The following ARHGAP42 variants were observed in gnomAD, a reference collection of about 807,000 sequenced individuals.
The protein encoded by ARHGAP42 is rho GTPase-activating protein 42.
ARHGAP42 carries 63 observed loss-of-function variants against 125.0 expected under a neutral mutation model. That is an observed-to-expected ratio of 0.50 (90% CI 0.41 to 0.62). The LOEUF is 0.62. Among genes scored for constraint, ARHGAP42 ranks in the 20% least tolerant of loss-of-function variants. The pLI, the probability that ARHGAP42 is intolerant of heterozygous loss-of-function variation, is 0.00. For missense variants in ARHGAP42, 766 were observed against 1,024.2 expected, an observed-to-expected ratio of 0.75 and a Z score of 3.44; for synonymous variants, 339 against 351.0, an observed-to-expected ratio of 0.97 and a Z score of 0.38.
chr11:100,856,736 G>T (rs115702823), intron 3 of ARHGAP42, among the ~76,000 whole-genome samples: 1 of 152,184 alleles, frequency 6.6e-6, no homozygotes, highest in African/African-American at 2.4e-5. Context: ...TCATTTGGGG[G>T]AAACTATAAG....
At chr11:100,811,185 A>G (rs938538355) in intron 3 of ARHGAP42, among the ~76,000 whole-genome samples, 1 of 152,076 alleles carries the variant, frequency 6.6e-6, no homozygotes, top group African/African-American at 2.4e-5. Context: ...CAAAGTCCTG[A>G]CCTCAGGTGA....
intron 4 of ARHGAP42, among the ~76,000 whole-genome samples, chr11:100,909,469 C>T (rs1024710026): frequency 5.3e-5 from 8 of 151,886 alleles, no homozygotes; most frequent in Admixed American, 1.3e-4. Flanking sequence ...CTCAGCCTCC[C>T]GAATAGCTGG....
chr11:100,776,800 T>C (rs1863137179), intron 2 of ARHGAP42, among the ~76,000 whole-genome samples: 1 of 151,956 alleles, frequency 6.6e-6, no homozygotes, highest in Non-Finnish European at 1.5e-5. Flanking sequence ...CTGGTCAACA[T>C]GGTGAAACCC....
chr11:100,807,766 C>T (rs1040665248), intron 3 of ARHGAP42, among the ~76,000 whole-genome samples: 1 of 152,202 alleles, frequency 6.6e-6, no homozygotes, highest in Non-Finnish European at 1.5e-5. Context: ...GGCATTTATC[C>T]TAGTTTTATA....
chr11:100,890,287 C>T, intron 4 of ARHGAP42, among the ~76,000 whole-genome samples: 1 of 152,172 alleles, frequency 6.6e-6, no homozygotes, highest in Non-Finnish European at 1.5e-5. Context: ...TCAAACTGTT[C>T]CAGGCTGCAG....
At chr11:100,808,154 A>G (rs1864043477) in intron 3 of ARHGAP42, among the ~76,000 whole-genome samples, 1 of 152,212 alleles carries the variant, frequency 6.6e-6, no homozygotes, top group South Asian at 2.1e-4. Context: ...AATGGTAACA[A>G]AGCTATGGAT....
intron 3 of ARHGAP42, among the ~76,000 whole-genome samples, chr11:100,823,802 TA>T (rs1180628472): frequency 6.6e-6 from 1 of 152,208 alleles, no homozygotes; most frequent in Non-Finnish European, 1.5e-5. Context: ...TTTGTCCTTA[TA>T]AATAATGACC....
intron 4 of ARHGAP42, among the ~76,000 whole-genome samples, chr11:100,874,344 G>C (rs1865762703): frequency 6.6e-6 from 1 of 152,094 alleles, no homozygotes; most frequent in African/African-American, 2.4e-5. Context: ...CTGCTACACT[G>C]GTAATTAAAC....
At chr11:100,983,396 T>C (rs950550951) in intron 22 of ARHGAP42, among the ~76,000 whole-genome samples, 2 of 152,208 alleles carry the variant, frequency 1.3e-5, no homozygotes, top group Non-Finnish European at 2.9e-5. Flanking sequence ...TCATATACAT[T>C]CCATTAGCTT....
chr11:100,712,992 A>G (rs1202986954), intron 1 of ARHGAP42, among the ~76,000 whole-genome samples: 2 of 152,342 alleles, frequency 1.3e-5, no homozygotes, highest in East Asian at 1.9e-4. Context: ...CGAAAATATC[A>G]TAAAATATAC....
intron 4 of ARHGAP42, among the ~76,000 whole-genome samples, chr11:100,908,858 G>C (rs1315189204): frequency 6.6e-6 from 1 of 152,152 alleles, no homozygotes. Flanking sequence ...ATTTCCACCA[G>C]CAGGGTATAA....
rs373059302 is a variant in ARHGAP42, at chr11:100,837,666, C to CTT, written c.313-21858_313-21857dup. Among the ~76,000 whole-genome samples, 48 of 61,042 alleles carry CTT rather than the reference C, an allele frequency of 7.9e-4. 4 individuals carry two copies. Among genetic ancestry groups the CTT allele is most frequent in the African/African-American group, 2.7e-3 (38 of 14,178 alleles). 40.0% of individuals were successfully genotyped at this position (61,042 alleles called of 152,430 possible). On this transcript the variant is annotated intron_variant, in intron 3 of 23. Coordinates refer to ENST00000298815, the MANE Select transcript of ARHGAP42 (RefSeq NM_152432.4). ...CAGTTCCCAGAATCTAGGTGTCATC[C>CTT]TTTTTTTTTTTTTTTTTTTTTTTTT...
intron 1 of ARHGAP42, among the ~76,000 whole-genome samples, chr11:100,766,405 A>G (rs1322546543): frequency 6.6e-6 from 1 of 152,204 alleles, no homozygotes; most frequent in African/African-American, 2.4e-5. Context: ...CTTTAGTATG[A>G]TATTTTAACA....
At chr11:100,962,017 T>C (rs79764541) in intron 15 of ARHGAP42, among the ~76,000 whole-genome samples, 33 of 152,344 alleles carry the variant, frequency 2.2e-4, no homozygotes, top group Admixed American at 3.9e-4. Context: ...TGTTGTCCCA[T>C]ATGTATATGG....
intron 1 of ARHGAP42, among the ~76,000 whole-genome samples, chr11:100,712,093 C>T (rs1179062262): frequency 6.6e-6 from 1 of 152,074 alleles, no homozygotes; most frequent in Non-Finnish European, 1.5e-5. Flanking sequence ...ATTGCCTACC[C>T]AGCTCCCTTG....
intron 3 of ARHGAP42, among the ~76,000 whole-genome samples, chr11:100,805,093 A>G (rs1260040361): frequency 6.6e-6 from 1 of 152,210 alleles, no homozygotes; most frequent in Non-Finnish European, 1.5e-5. Context: ...TTTAATATGA[A>G]CAGCAGTCTT....
intron 16 of ARHGAP42, among the ~76,000 whole-genome samples, chr11:100,963,147 A>G (rs771506397): frequency 1.1e-4 from 17 of 152,202 alleles, no homozygotes; most frequent in Non-Finnish European, 2.1e-4. Context: ...CATGTGCTGT[A>G]TTCCTCAATC....
In ARHGAP42 at chr11:100,965,696, G is replaced by A. The variant is rs1858073526; in HGVS notation, c.1470G>A (p.Val490=). 2 of 1,550,604 alleles carry A rather than the reference G, an allele frequency of 1.3e-6. No individual in the cohort carries two copies. Among genetic ancestry groups the A allele is most frequent in the South Asian group, 1.2e-5 (1 of 84,002 alleles). ...AVKSDDQNYR[V]EAVHALVHKL... is the part of the protein sequence containing the mutation. Reference sequence around the variant, plus strand: ...AATCTGATGATCAAAACTACAGGGTGGAGGCTGTACATGCATTGGTGCACA... The same window carrying A: ...AATCTGATGATCAAAACTACAGGGTAGAGGCTGTACATGCATTGGTGCACA... Residue 490 remains valine (V), a synonymous_variant, in exon 17 of 24, where the codon GTG becomes GTA. Transcript: ENST00000298815.
At chr11:100,952,158 A>G (rs1214674276) in intron 12 of ARHGAP42, among the ~76,000 whole-genome samples, 1 of 152,162 alleles carries the variant, frequency 6.6e-6, no homozygotes, top group Non-Finnish European at 1.5e-5. Context: ...CAGTATACAG[A>G]TCTTATTTGT....
Sources: gnomAD v4.1 joint callset for allele counts (sites outside exome capture counted in the v4.1 genomes callset) on GRCh38, gnomAD v4.1.1 for gene constraint, MANE v1.5 for transcripts, NCBI Gene and HGNC (gene_info 2026-07-23, HGNC 2026-07-21) for gene names.